MICAL3: variants seen among roughly 807,000 people sequenced by gnomAD.
MICAL3 encodes microtubule associated monooxygenase, calponin and LIM domain containing 3, also known as [F-actin]-monooxygenase MICAL3.
A neutral mutation model predicts 207.4 loss-of-function variants in MICAL3; 62 were observed. The observed-to-expected ratio is 0.30, with a 90% CI of 0.24 to 0.37. The LOEUF (loss-of-function observed/expected upper bound fraction) is 0.37, where lower values mean the gene tolerates loss of function less well. MICAL3 is among the 10% of genes least tolerant of loss of function. The pLI, the probability that MICAL3 is intolerant of heterozygous loss-of-function variation, is 1.00. For synonymous variants in MICAL3, 1,077 were observed against 1,069.3 expected (o/e 1.01, Z -0.14); for missense variants, 2,368 against 2,635.6 (o/e 0.90, Z 2.22).
At position 17,991,858 on chromosome 22, in the gene MICAL3, G is replaced by C. The variant is rs564747519; in HGVS notation, c.-75+32423C>G. ...AAATACTTCAGGGAGATGGAGGAAT[G>C]GGGGGCTCGCTACTGTGCTGGCTAA... is the stretch of plus-strand genomic sequence containing the variant. On this transcript the variant is annotated intron_variant, in intron 1 of 31. Transcript: ENST00000441493. Among the ~76,000 whole-genome samples, 11 of 152,248 alleles carry C rather than the reference G, an allele frequency of 7.2e-5. 1 individual carries two copies. Among genetic ancestry groups the C allele is most frequent in the Admixed American group, 7.2e-4 (11 of 15,284 alleles).
chr22:17,953,929 T>C (rs1934472699), intron 1 of MICAL3, among the ~76,000 whole-genome samples: 1 of 27,502 alleles, frequency 3.6e-5, no homozygotes, highest in African/African-American at 1.4e-4. Context: ...AGACTCCATC[T>C]CAAAAAAAAA....
intron 1 of MICAL3, among the ~76,000 whole-genome samples, chr22:17,960,456 T>C (rs967218764): frequency 6.6e-6 from 1 of 152,324 alleles, no homozygotes; most frequent in South Asian, 2.1e-4. Flanking sequence ...CCTGTCCTCA[T>C]GGAGCTTCGT....
intron 27 of MICAL3, 125 bp from the exon 28 acceptor site, chr22:17,810,938 G>T: frequency 4.2e-6 from 3 of 711,880 alleles, no homozygotes; most frequent in Non-Finnish European, 7.5e-6. Flanking sequence ...CGGGCAGATA[G>T]GACAAGCTGT....
intron 1 of MICAL3, among the ~76,000 whole-genome samples, chr22:18,022,721 G>A (rs4819655): frequency 0.19 from 28,946 of 152,048 alleles, 3,257 homozygotes; most frequent in East Asian, 0.38. Flanking sequence ...GAGCCTCTGC[G>A]CCCAGCCCCC....
chr22:17,948,908 G>T (rs2036647998), intron 1 of MICAL3, among the ~76,000 whole-genome samples: 1 of 29,938 alleles, frequency 3.3e-5, no homozygotes, highest in Non-Finnish European at 6.1e-5. Flanking sequence ...GTGAGATGCT[G>T]CCTCAAAAAA....
At chr22:17,879,828 CA>C (rs1556242836) in intron 16 of MICAL3, among the ~76,000 whole-genome samples, 3 of 152,190 alleles carry the variant, frequency 2.0e-5, no homozygotes, top group Non-Finnish European at 4.4e-5. Flanking sequence ...ATGACTAAGA[CA>C]GCAGTCCAGA....
intron 1 of MICAL3, among the ~76,000 whole-genome samples, chr22:17,967,469 C>CAT (rs1935192617): frequency 8.4e-6 from 1 of 119,434 alleles, no homozygotes; most frequent in African/African-American, 3.2e-5. Context: ...TGCAAACACA[C>CAT]ACACACACAC....
chr22:17,799,567 A>G (rs1237420254), intron 29 of MICAL3, among the ~76,000 whole-genome samples: 2 of 152,158 alleles, frequency 1.3e-5, no homozygotes, highest in Admixed American at 1.3e-4. Flanking sequence ...TGAGTCCCCA[A>G]CCCAGGAAGC....
intron 29 of MICAL3, among the ~76,000 whole-genome samples, chr22:17,797,230 GGGGGCTCACACCTGTGA>G (rs1441209727): frequency 6.6e-6 from 1 of 152,156 alleles, no homozygotes; most frequent in Non-Finnish European, 1.5e-5. Context: ...TCGGAGGTAC[GGGGGCTCACACCTGTGA>G]TCCCAGCACT....
chr22:17,958,501 C>T (rs897910133), intron 1 of MICAL3, among the ~76,000 whole-genome samples: 46 of 152,120 alleles, frequency 3.0e-4, no homozygotes, highest in African/African-American at 1.1e-3. Flanking sequence ...TCACCCTCAT[C>T]CCCCGTTAAA....
intron 1 of MICAL3, among the ~76,000 whole-genome samples, chr22:17,933,663 C>CA (rs1207125076): frequency 2.0e-5 from 3 of 152,010 alleles, no homozygotes; most frequent in Admixed American, 6.6e-5. Context: ...AGAAACCCTT[C>CA]AAAAAAATCA....
In MICAL3 at chr22:17,884,327, G is replaced by T. The variant is rs761345982; in HGVS notation, c.2241+1551C>A. On this transcript the variant is annotated intron_variant, in intron 16 of 31. Coordinates refer to ENST00000441493, the MANE Select transcript of MICAL3 (RefSeq NM_015241.3). ...GCGAACCTGCCCAGGCAGGCAGCAGGACGGCTGGCTGGCCCCACGCTCTTG... is the reference window on the plus strand; with the variant it reads ...GCGAACCTGCCCAGGCAGGCAGCAGTACGGCTGGCTGGCCCCACGCTCTTG... 2.5e-6 allele frequency: 4 copies of T among 1,596,400 alleles called. No homozygotes were observed. The East Asian group carries it at 9.3e-5, about 37-fold the overall frequency.
At chr22:18,012,998 G>C (rs994589037) in intron 1 of MICAL3, among the ~76,000 whole-genome samples, 2 of 152,178 alleles carry the variant, frequency 1.3e-5, no homozygotes, top group Non-Finnish European at 2.9e-5. Flanking sequence ...TGGTGGGCAT[G>C]GGGATGGAGG....
At chr22:17,881,078 A>T in intron 16 of MICAL3, 1 of 840,234 alleles carries the variant, frequency 1.2e-6, no homozygotes, top group Non-Finnish European at 2.0e-6. Context: ...AACGGTTTCT[A>T]CGCATAGCCT....
chr22:17,826,686 G>A, intron 22 of MICAL3, among the ~76,000 whole-genome samples: 1 of 150,384 alleles, frequency 6.6e-6, no homozygotes, highest in Admixed American at 6.6e-5. Context: ...TAGCCTGTGT[G>A]ATGGAGAATC....
At chr22:18,008,725 C>A (rs1443950421) in intron 1 of MICAL3, among the ~76,000 whole-genome samples, 2 of 152,094 alleles carry the variant, frequency 1.3e-5, no homozygotes, top group East Asian at 1.9e-4. Context: ...AATTACATAT[C>A]TTTTACTTTT....
chr22:17,976,530 T>G (rs1434046741), intron 1 of MICAL3, among the ~76,000 whole-genome samples: 1 of 115,970 alleles, frequency 8.6e-6, no homozygotes, highest in East Asian at 2.4e-4. Context: ...TATATGTGTA[T>G]ATATATGTGT....
chr22:17,850,888 C>T (rs999827470), intron 19 of MICAL3, among the ~76,000 whole-genome samples: 8 of 152,120 alleles, frequency 5.3e-5, no homozygotes, highest in South Asian at 2.1e-4. Context: ...GTGTGTCATG[C>T]GGCTCTCCTG....
chr22:17,999,664 TG>T (rs1265506495), intron 1 of MICAL3, among the ~76,000 whole-genome samples: 1 of 152,098 alleles, frequency 6.6e-6, no homozygotes, highest in Non-Finnish European at 1.5e-5. Context: ...GGTGGGGGTT[TG>T]GGGGGAGGAA....
Sources: gnomAD v4.1 joint callset for allele counts (sites outside exome capture counted in the v4.1 genomes callset) on GRCh38, gnomAD v4.1.1 for gene constraint, MANE v1.5 for transcripts, NCBI Gene and HGNC (gene_info 2026-07-23, HGNC 2026-07-21) for gene names.